SLC26A7: variants seen among roughly 807,000 people sequenced by gnomAD.
The protein encoded by SLC26A7 is anion exchange transporter.
In SLC26A7, 59 loss-of-function variants were observed where a neutral mutation model predicts 82.5. The observed-to-expected ratio is 0.72, with a 90% CI of 0.58 to 0.89. SLC26A7 has a LOEUF of 0.89. Among genes scored for constraint, SLC26A7 ranks in the 40% least tolerant of loss-of-function variants. The pLI, the probability that SLC26A7 is intolerant of heterozygous loss-of-function variation, is 0.00. For synonymous variants in SLC26A7, 271 were observed against 274.3 expected (o/e 0.99, Z 0.12); for missense variants, 820 against 793.0 (o/e 1.03, Z -0.41).
At chr8:91,239,824 A>G (rs190033689) in intron 2 of SLC26A7, among the ~76,000 whole-genome samples, 115 of 152,330 alleles carry the variant, frequency 7.5e-4, no homozygotes, top group Admixed American at 2.0e-3. Flanking sequence ...AAGATTGTCC[A>G]TCACAGGAGA....
rs141901440 is a variant in SLC26A7 at position 91,390,788 on chromosome 8, C to T, written c.1776+1350C>T. Among the ~76,000 whole-genome samples the T allele has an allele frequency of 1.3e-4, 20 of 152,306 alleles. No individual in the cohort carries two copies. The East Asian group carries it at 3.3e-3, about 25-fold the overall frequency. On this transcript the variant is annotated intron_variant, in intron 16 of 18. Transcript: ENST00000276609. ...TTTTAATGGGTCCCCCTCATCATGC[C>T]AGGACCCAGAAACTGCTTTGCGGCA...
Position 91,249,640 on chromosome 8 carries a change from G to T in SLC26A7, c.-12G>T. The T allele has an allele frequency of 6.7e-7, 1 of 1,499,816 alleles. No homozygotes were observed. The highest frequency in any genetic ancestry group is 8.9e-7 in the Non-Finnish European group (1 of 1,125,314). 92.9% of individuals were successfully genotyped at this position (1,499,816 alleles called of 1,614,324 possible). A position where few individuals can be genotyped will look rare whatever the true frequency, so the allele number is the denominator to read the frequency against. On this transcript the variant is annotated 5_prime_UTR_variant, in exon 2 of 19. Transcript: ENST00000276609. ...TTAGAGAAGTTTACTTCTACAAGAA[G>T]AAATCTGAAAAATGACAGGAGCAAA...
chr8:91,336,401 C>T (rs112718689), intron 6 of SLC26A7, among the ~76,000 whole-genome samples: 4,052 of 152,114 alleles, frequency 0.027, 178 homozygotes, highest in African/African-American at 0.093. Flanking sequence ...CATAGGAACA[C>T]GAACCCTGTT....
chr8:91,272,146 G>T (rs1276634088), intron 2 of SLC26A7, among the ~76,000 whole-genome samples: 2 of 152,054 alleles, frequency 1.3e-5, no homozygotes, highest in Non-Finnish European at 2.9e-5. Context: ...GCTTGGCCTT[G>T]CTTACCCTTT....
At chr8:91,350,559 C>G (rs2339303) in intron 9 of SLC26A7, among the ~76,000 whole-genome samples, 59,610 of 151,686 alleles carry the variant, frequency 0.39, 12,549 homozygotes, top group African/African-American at 0.51. Flanking sequence ...CTCTAGCATC[C>G]TATAATTTAT....
At chr8:91,218,621 C>T (rs764461657) in intron 1 of SLC26A7, among the ~76,000 whole-genome samples, 4 of 152,132 alleles carry the variant, frequency 2.6e-5, no homozygotes, top group Admixed American at 6.6e-5. Flanking sequence ...TCATTTCAAA[C>T]ACTTTATGGT....
intron 15 of SLC26A7, among the ~76,000 whole-genome samples, chr8:91,387,035 A>C (rs1449529541): frequency 6.6e-6 from 1 of 152,048 alleles, no homozygotes; most frequent in Non-Finnish European, 1.5e-5. Flanking sequence ...ATATTATATA[A>C]ATTTTTTATG....
chr8:91,254,058 T>G (rs1279106206), intron 2 of SLC26A7, among the ~76,000 whole-genome samples: 1 of 152,160 alleles, frequency 6.6e-6, no homozygotes, highest in Non-Finnish European at 1.5e-5. Flanking sequence ...CCAACTTCTC[T>G]TACTTTCTTG....
At chr8:91,384,055 C>T (rs1467930681) in intron 15 of SLC26A7, among the ~76,000 whole-genome samples, 3 of 152,184 alleles carry the variant, frequency 2.0e-5, no homozygotes, top group Admixed American at 2.0e-4. Context: ...TTTCCTGTTG[C>T]TGCTGTAATA....
intron 11 of SLC26A7, among the ~76,000 whole-genome samples, chr8:91,353,519 T>G (rs764048813): frequency 5.9e-5 from 9 of 152,124 alleles, no homozygotes; most frequent in Non-Finnish European, 1.3e-4. Context: ...TATTGAACCA[T>G]GATAAAGTGT....
chr8:91,321,161 A>G (rs935829847), intron 5 of SLC26A7, among the ~76,000 whole-genome samples: 3 of 152,190 alleles, frequency 2.0e-5, no homozygotes, highest in African/African-American at 7.2e-5. Flanking sequence ...GTTGAGTTGG[A>G]TGAGTATGAA....
intron 2 of SLC26A7, among the ~76,000 whole-genome samples, chr8:91,258,565 AC>A (rs891098351): frequency 6.6e-6 from 1 of 152,136 alleles, no homozygotes; most frequent in African/African-American, 2.4e-5. Flanking sequence ...CCCTGACAGT[AC>A]TAGATACAAC....
At chr8:91,386,062 A>C (rs10102673) in intron 15 of SLC26A7, among the ~76,000 whole-genome samples, 34,043 of 151,934 alleles carry the variant, frequency 0.22, 4,849 homozygotes, top group African/African-American at 0.41. Flanking sequence ...TCTTGTTTGA[A>C]CTCAGTGGAA....
chr8:91,251,502 T>C (rs1235877203), intron 2 of SLC26A7, among the ~76,000 whole-genome samples: 1 of 152,148 alleles, frequency 6.6e-6, no homozygotes, highest in East Asian at 1.9e-4. Flanking sequence ...ATTTTTAAAA[T>C]GTCTATTCTT....
At chr8:91,310,915 C>CT (rs889030447) in intron 4 of SLC26A7, among the ~76,000 whole-genome samples, 32 of 150,102 alleles carry the variant, frequency 2.1e-4, no homozygotes, top group South Asian at 4.2e-4. Flanking sequence ...GTGCACTTTA[C>CT]TTTTTTTTTT....
At chr8:91,332,434 TTTAA>T (rs1000638398) in intron 5 of SLC26A7, among the ~76,000 whole-genome samples, 13 of 143,274 alleles carry the variant, frequency 9.1e-5, no homozygotes, top group Admixed American at 8.0e-4. Flanking sequence ...TCAATATATA[TTTAA>T]TTAATATATA....
At chr8:91,360,570 A>G (rs1168576413) in intron 11 of SLC26A7, among the ~76,000 whole-genome samples, 1 of 152,188 alleles carries the variant, frequency 6.6e-6, no homozygotes, top group Admixed American at 6.6e-5. Context: ...GCATTTGGAA[A>G]GCCCAACTTA....
At chr8:91,365,566 G>A (rs967302168) in intron 13 of SLC26A7, among the ~76,000 whole-genome samples, 1 of 152,080 alleles carries the variant, frequency 6.6e-6, no homozygotes, top group East Asian at 1.9e-4. Flanking sequence ...GCAACTTAAG[G>A]TTTGTTTGTT....
chr8:91,311,069 T>C (rs1812468558), intron 4 of SLC26A7, among the ~76,000 whole-genome samples: 1 of 152,230 alleles, frequency 6.6e-6, no homozygotes, highest in South Asian at 2.1e-4. Context: ...TATACCCATA[T>C]GGATTTGTTG....
Sources: allele counts gnomAD v4.1 joint callset (sites outside exome capture counted in the v4.1 genomes callset), GRCh38; gene constraint gnomAD v4.1.1; transcripts MANE v1.5; gene names NCBI Gene and HGNC (gene_info 2026-07-23, HGNC 2026-07-21).